Variants in SIK2 observed in about 807,000 individuals in gnomAD.
The protein encoded by SIK2 is salt inducible kinase 2.
SIK2 carries 29 observed loss-of-function variants against 103.2 expected under a neutral mutation model. The observed-to-expected ratio is 0.28, with a 90% CI of 0.21 to 0.38. The LOEUF is 0.38. SIK2 is among the 10% of genes least tolerant of loss of function. The pLI is 1.00. For missense variants in SIK2, 879 were observed against 1,171.0 expected, an observed-to-expected ratio of 0.75 and a Z score of 3.64; for synonymous variants, 412 against 446.1, an observed-to-expected ratio of 0.92 and a Z score of 0.96.
At chr11:111,626,097 A>G (rs960784604) in intron 3 of SIK2, among the ~76,000 whole-genome samples, 6 of 152,220 alleles carry the variant, frequency 3.9e-5, no homozygotes, top group African/African-American at 4.8e-5. Context: ...TAAATGGTCA[A>G]TTGGAGTTCT....
intron 2 of SIK2, among the ~76,000 whole-genome samples, chr11:111,619,915 A>G (rs1259036887): frequency 1.3e-5 from 2 of 152,236 alleles, no homozygotes; most frequent in East Asian, 3.8e-4. Flanking sequence ...GGAATCTACC[A>G]TGATAACATA....
chr11:111,636,673 G>A (rs1178279313), intron 3 of SIK2, among the ~76,000 whole-genome samples: 2 of 152,160 alleles, frequency 1.3e-5, no homozygotes, highest in Non-Finnish European at 2.9e-5. Flanking sequence ...GCAAAAACCT[G>A]AAGAAAGGAT....
chr11:111,643,754 A>G (rs1181911765), intron 3 of SIK2, among the ~76,000 whole-genome samples: 1 of 151,866 alleles, frequency 6.6e-6, no homozygotes, highest in Non-Finnish European at 1.5e-5. Context: ...CAGAGGTTGC[A>G]GTGAGCCAAG....
At chr11:111,645,584 G>C (rs1328511442) in intron 3 of SIK2, among the ~76,000 whole-genome samples, 1 of 152,170 alleles carries the variant, frequency 6.6e-6, no homozygotes, top group Non-Finnish European at 1.5e-5. Flanking sequence ...ACTTTGGGAG[G>C]CCAAGGTGGG....
At chr11:111,702,656 G>A (rs1565371333) in intron 6 of SIK2, among the ~76,000 whole-genome samples, 1 of 152,194 alleles carries the variant, frequency 6.6e-6, no homozygotes, top group Non-Finnish European at 1.5e-5. Flanking sequence ...CCTTATGTGT[G>A]AGTGAAGAGC....
At chr11:111,721,980 T>A in intron 13 of SIK2, 40 bp downstream of exon 13, 1 of 1,456,252 alleles carries the variant, frequency 6.9e-7, no homozygotes, top group Non-Finnish European at 9.3e-7. Flanking sequence ...ACTCTGCTCA[T>A]CCAGAATCTG....
At chr11:111,615,075 G>A (rs1408135783) in intron 1 of SIK2, among the ~76,000 whole-genome samples, 1 of 152,046 alleles carries the variant, frequency 6.6e-6, no homozygotes, top group Non-Finnish European at 1.5e-5. Context: ...GGAGGCGGAG[G>A]TTGCAGTGAG....
chr11:111,715,095 AGAT>A (rs1204996988), intron 9 of SIK2, among the ~76,000 whole-genome samples: 1 of 152,234 alleles, frequency 6.6e-6, no homozygotes, highest in Admixed American at 6.5e-5. Flanking sequence ...ATTTTGCAAA[AGAT>A]ATAGACAGGA....
intron 3 of SIK2, among the ~76,000 whole-genome samples, chr11:111,629,040 G>C (rs906002835): frequency 1.3e-5 from 2 of 152,124 alleles, no homozygotes; most frequent in Non-Finnish European, 2.9e-5. Flanking sequence ...TGTGTCAGCT[G>C]AATTAGAGGA....
Position 111,610,412 on chromosome 11 carries a change from A to G in SIK2, c.136-5831A>G, listed in dbSNP as rs552615601. ...GGCTGAGGCAGGAGAATCACTTTGA[A>G]CCCTGGAGGCAGAGGTTGCACTGAG... On this transcript the variant is annotated intron_variant, in intron 1 of 14. Transcript: ENST00000304987. 2.6e-5 allele frequency among the ~76,000 whole-genome samples: 4 copies of G among 151,512 alleles called. No individual in the cohort carries two copies. The South Asian group carries it at 8.4e-4, about 32-fold the overall frequency.
chr11:111,726,751 C>T lies in SIK2; in HGVS notation c.*2622C>T. The T allele has an allele frequency of 1.8e-6, 1 of 570,490 alleles. No individual in the cohort carries two copies. Among genetic ancestry groups the T allele is most frequent in the African/African-American group, 1.9e-5 (1 of 53,570 alleles). The allele number at this position is 570,490 out of a possible 1,614,324, so 35.3% of individuals were successfully genotyped here. A position where few individuals can be genotyped will look rare whatever the true frequency, so the allele number is the denominator to read the frequency against. ...AAGAAGGCTTAGTATCGCTCTTTTT[C>T]TGCGGGGCTACTCTGAAGTACTGAC... On this transcript the variant is annotated 3_prime_UTR_variant, in exon 15 of 15. Transcript: ENST00000304987.
intron 3 of SIK2, among the ~76,000 whole-genome samples, chr11:111,658,270 A>T (rs1383940906): frequency 6.6e-6 from 1 of 151,878 alleles, no homozygotes; most frequent in Non-Finnish European, 1.5e-5. Flanking sequence ...GACTACAGGT[A>T]CGCACCACCA....
At chr11:111,714,181 G>A (rs1487825275) in intron 9 of SIK2, among the ~76,000 whole-genome samples, 1 of 152,204 alleles carries the variant, frequency 6.6e-6, no homozygotes, top group Non-Finnish European at 1.5e-5. Flanking sequence ...AAGTACTAGG[G>A]AAGCCTAAGT....
At chr11:111,647,765 G>A (rs966147329) in intron 3 of SIK2, among the ~76,000 whole-genome samples, 2 of 151,700 alleles carry the variant, frequency 1.3e-5, no homozygotes, top group African/African-American at 4.8e-5. Flanking sequence ...CTACTTGGGA[G>A]GCTGAGGCAG....
At chr11:111,613,937 G>C (rs1453502455) in intron 1 of SIK2, among the ~76,000 whole-genome samples, 2 of 152,120 alleles carry the variant, frequency 1.3e-5, no homozygotes, top group Non-Finnish European at 2.9e-5. Flanking sequence ...AAAACTTACA[G>C]TAGAGCTTTA....
intron 1 of SIK2, among the ~76,000 whole-genome samples, chr11:111,611,978 C>CT (rs532765956): frequency 6.7e-4 from 100 of 148,950 alleles, no homozygotes; most frequent in Non-Finnish European, 9.6e-4. Flanking sequence ...TCCCCAAATA[C>CT]TTTTTTTTTT....
At chr11:111,720,365 T>C (rs1335457758) in intron 10 of SIK2, 113 bp from the exon 11 acceptor site, 8 of 1,129,984 alleles carry the variant, frequency 7.1e-6, no homozygotes, top group Non-Finnish European at 9.9e-6. Context: ...GATGTTTTGA[T>C]TGGAAATTAA....
chr11:111,655,937 C>T lies in SIK2; in HGVS notation c.317-32064C>T, dbSNP rs143119992. On this transcript the variant is annotated intron_variant, in intron 3 of 14. Coordinates refer to ENST00000304987, the MANE Select transcript of SIK2 (RefSeq NM_015191.3). ...GTGGCTCACACCTGTAATCCCAGCA[C>T]TTTGGGAGGCCAAGGCAGGAGGATT... Among the ~76,000 whole-genome samples, 92 of 151,146 alleles carry T rather than the reference C, an allele frequency of 6.1e-4. 4 individuals carry two copies. The East Asian group carries it at 0.017, about 28-fold the overall frequency.
chr11:111,720,094 TA>T (rs1203366621), intron 10 of SIK2, 91 bp downstream of exon 10: 18 of 1,245,046 alleles, frequency 1.4e-5, no homozygotes, highest in Non-Finnish European at 2.1e-5. Flanking sequence ...AGCCAACACC[TA>T]AAATTGAGTC....
Sources: gnomAD v4.1 joint callset for allele counts (sites outside exome capture counted in the v4.1 genomes callset) on GRCh38, gnomAD v4.1.1 for gene constraint, MANE v1.5 for transcripts, NCBI Gene and HGNC (gene_info 2026-07-23, HGNC 2026-07-21) for gene names.